The following GEN1 variants were observed in gnomAD, a reference collection of about 807,000 sequenced individuals.
GEN1 encodes GEN1 structure-specific endonuclease, also known as flap endonuclease GEN homolog 1.
In GEN1, 64 loss-of-function variants were observed where a neutral mutation model predicts 67.6. The observed-to-expected ratio is 0.95, with a 90% CI of 0.77 to 1.17. The LOEUF is 1.17. Among genes scored for constraint, GEN1 ranks in the 50% most tolerant of loss-of-function variants. The probability of loss-of-function intolerance (pLI) is 0.00; values close to 1 mark genes in which losing one functional copy is unlikely to be tolerated. For synonymous variants in GEN1, 371 were observed against 359.4 expected (o/e 1.03, Z -0.37); for missense variants, 1,058 against 1,048.3 (o/e 1.01, Z -0.13).
At chr2:17,765,645 C>T (rs914094598) in intron 4 of GEN1, among the ~76,000 whole-genome samples, 7 of 152,160 alleles carry the variant, frequency 4.6e-5, no homozygotes, top group African/African-American at 1.4e-4. Context: ...GACATTTCTG[C>T]TATCCCTCCC....
chr2:17,757,448 A>G (rs1436912158), intron 1 of GEN1, among the ~76,000 whole-genome samples: 2 of 152,070 alleles, frequency 1.3e-5, no homozygotes, highest in Non-Finnish European at 2.9e-5. Flanking sequence ...CTATATATAA[A>G]TGTGTGTTTA....
In GEN1 at chr2:17,761,642, T is replaced by C. The variant is rs528511603; in HGVS notation, c.348+60T>C. 7.1e-4 allele frequency: 807 copies of C among 1,140,474 alleles called. 1 individual carries two copies. The highest frequency in any genetic ancestry group is 9.5e-4 in the Non-Finnish European group (757 of 792,694). 70.6% of individuals were successfully genotyped at this position (1,140,474 alleles called of 1,614,324 possible). On this transcript the variant is annotated intron_variant, in intron 3 of 13. Transcript: ENST00000381254. ...TGAATTAAAGGGTGCATTTTACTCT[T>C]AATAGTTTGTCATCTTTAATACTTA...
chr2:17,780,937 T>C lies in GEN1; in HGVS notation c.1725T>C (p.His575=), dbSNP rs1340018255. 1.9e-6 allele frequency: 3 copies of C among 1,595,350 alleles called. No homozygotes were observed. The highest frequency in any genetic ancestry group is 2.6e-6 in the Non-Finnish European group (3 of 1,171,638). ...SESSQPNTSS[H]NISVIADLHL... is the part of the protein sequence containing the mutation. ...CTAGTCAACCCAATACCTCATCTCATAATATATCCGTGATTGCTGATCTAC... is the reference window on the plus strand; with the variant it reads ...CTAGTCAACCCAATACCTCATCTCACAATATATCCGTGATTGCTGATCTAC... Residue 575 remains histidine, a synonymous_variant, in exon 14 of 14, where the codon CAT becomes CAC. Transcript: ENST00000381254.
At chr2:17,762,521 T>A (rs930193142) in intron 3 of GEN1, among the ~76,000 whole-genome samples, 6 of 152,148 alleles carry the variant, frequency 3.9e-5, no homozygotes, top group African/African-American at 1.4e-4. Context: ...TTGTCTGTTT[T>A]CAAATGTGTG....
rs1272744567 is a variant in GEN1 at position 17,787,114 on chromosome 2, C to A, written c.*5175C>A. 2 of 152,178 alleles carry A rather than the reference C, an allele frequency of 1.3e-5. No individual in the cohort carries two copies. The highest frequency in any genetic ancestry group is 4.8e-5 in the African/African-American group (2 of 41,434). 9.4% of individuals were successfully genotyped at this position (152,178 alleles called of 1,614,324 possible). A position where few individuals can be genotyped will look rare whatever the true frequency, so the allele number is the denominator to read the frequency against. On this transcript the variant is annotated 3_prime_UTR_variant, in exon 14 of 14. Transcript: ENST00000381254. ...GCTTCCTTATTGGCTAGATAAACCT[C>A]ATCTATTAAGGACCAGCTCACATGT...
chr2:17,778,073 C>G lies in GEN1; in HGVS notation c.1264+10C>G. 6.6e-7 allele frequency: 1 copy of G among 1,504,104 alleles called. No individual in the cohort carries two copies. Among genetic ancestry groups the G allele is most frequent in the South Asian group, 1.1e-5 (1 of 88,158 alleles). The allele number at this position is 1,504,104 out of a possible 1,614,324, so 93.2% of individuals were successfully genotyped here. ...GAATGGGAAAAGCCTGGTATGTATT[C>G]ACTTTAAGCAAAATATTCCATTTAT... On this transcript the variant is annotated intron_variant, in intron 12 of 13. Coordinates refer to ENST00000381254, the MANE Select transcript of GEN1 (RefSeq NM_001130009.3).
At chr2:17,777,908 G>GA (rs545226606) in intron 11 of GEN1, 94 bp from the exon 12 acceptor site, 485 of 672,958 alleles carry the variant, frequency 7.2e-4, no homozygotes, top group Middle Eastern at 1.4e-3. Context: ...TTTTACCTGG[G>GA]AAAAAAAAAT....
At chr2:17,756,356 G>T (rs1000085748) in intron 1 of GEN1, among the ~76,000 whole-genome samples, 1 of 152,204 alleles carries the variant, frequency 6.6e-6, no homozygotes, top group Non-Finnish European at 1.5e-5. Flanking sequence ...ATTGATTCAT[G>T]TAAGTAGACT....
chr2:17,757,766 A>T (rs2125116202), intron 1 of GEN1, among the ~76,000 whole-genome samples: 1 of 152,340 alleles, frequency 6.6e-6, no homozygotes, highest in South Asian at 2.1e-4. Flanking sequence ...AATTCTATTT[A>T]AATTTGTCAC....
chr2:17,773,083 A>T lies in GEN1; in HGVS notation c.954-13A>T. On this transcript the variant is annotated splice_polypyrimidine_tract_variant and intron_variant, in intron 8 of 13. Transcript: ENST00000381254. Reference sequence around the variant, plus strand: ...TGATTATAGTAATAACATGTATATAATTTTTTTTTCAGGAAAGCTTGCTGT... The same window carrying T: ...TGATTATAGTAATAACATGTATATATTTTTTTTTTCAGGAAAGCTTGCTGT... 6.6e-7 allele frequency: 1 copy of T among 1,512,812 alleles called. No homozygotes were observed. Among genetic ancestry groups the T allele is most frequent in the Middle Eastern group, 2.4e-4 (1 of 4,232 alleles). 93.7% of individuals were successfully genotyped at this position (1,512,812 alleles called of 1,614,324 possible).
Position 17,781,467 on chromosome 2 carries a change from C to A in GEN1, c.2255C>A (p.Thr752Asn), listed in dbSNP as rs995611512. The A allele has an allele frequency of 1.2e-6, 2 of 1,613,470 alleles. No homozygotes were observed. Among genetic ancestry groups the A allele is most frequent in the South Asian group, 1.1e-5 (1 of 91,070 alleles). Residue 752 changes from threonine (T) to asparagine (N), a missense_variant, in exon 14 of 14, where the codon ACT becomes AAT. Physicochemically the swap from Thr to Asn is moderately conservative, Grantham distance 65 (BLOSUM62 0). Coordinates refer to ENST00000381254, the MANE Select transcript of GEN1 (RefSeq NM_001130009.3). ...QLLQEDYKVNTSVPYSVSNTV... is the reference protein window; with the variant it reads ...QLLQEDYKVNNSVPYSVSNTV... ...CTTCAAGAAGACTATAAAGTCAATA[C>A]TTCTGTCCCTTATTCTGTCAGTAAC...
intron 2 of GEN1, among the ~76,000 whole-genome samples, chr2:17,761,088 C>T (rs571709579): frequency 6.6e-5 from 10 of 151,786 alleles, no homozygotes; most frequent in Middle Eastern, 3.4e-3. Context: ...GAAAATTAGC[C>T]GGGCATGGTG....
At chr2:17,771,856 G>A (rs1672206001) in intron 7 of GEN1, among the ~76,000 whole-genome samples, 1 of 149,886 alleles carries the variant, frequency 6.7e-6, no homozygotes, top group African/African-American at 2.4e-5. Context: ...AAAGAGATTA[G>A]GATATCATGT....
In GEN1 at chr2:17,781,644, G is replaced by A. The variant is rs1672842976; in HGVS notation, c.2432G>A (p.Gly811Glu). 6.2e-7 allele frequency: 1 copy of A among 1,613,958 alleles called. No individual in the cohort carries two copies. Among genetic ancestry groups the A allele is most frequent in the East Asian group, 2.2e-5 (1 of 44,856 alleles). Residue 811 changes from glycine (G) to glutamate (E), a missense_variant, in exon 14 of 14, where the codon GGG becomes GAG. Gly to Glu is a moderately conservative substitution (Grantham distance 98, BLOSUM62 -2). Coordinates refer to ENST00000381254, the MANE Select transcript of GEN1 (RefSeq NM_001130009.3). ...SSDEQSAPVF[G>E]KAKYTTQRMK... ...GATGAACAAAGTGCCCCAGTGTTTG[G>A]GAAAGCTAAGTACACAACTCAAAGA...
intron 3 of GEN1, among the ~76,000 whole-genome samples, chr2:17,764,148 T>C (rs748030244): frequency 8.5e-5 from 13 of 152,244 alleles, no homozygotes; most frequent in Non-Finnish European, 1.5e-4. Flanking sequence ...CAAAATGATG[T>C]AATCATTCTG....
In GEN1 at chr2:17,776,084, C is replaced by T. The variant is rs114985740; in HGVS notation, c.1202+1683C>T. ...TGAGCTGAGTTCATACCACTGCACT[C>T]CAAACTTGGTGACAGAGTGAGACCC... On this transcript the variant is annotated intron_variant, in intron 11 of 13. Transcript: ENST00000381254. Among the ~76,000 whole-genome samples, 544 of 142,348 alleles carry T rather than the reference C, an allele frequency of 3.8e-3. 7 individuals are homozygous for T. The highest frequency in any genetic ancestry group is 0.014 in the African/African-American group (522 of 37,554). The allele number at this position is 142,348 out of a possible 152,430, so 93.4% of individuals were successfully genotyped here.
rs144151088 is a variant in GEN1 at position 17,780,742 on chromosome 2, G to T, written c.1530G>T (p.Gly510=). The T allele has an allele frequency of 1.1e-4, 173 of 1,613,822 alleles. 1 individual carries two copies. Among genetic ancestry groups the T allele is most frequent in the Middle Eastern group, 1.6e-4 (1 of 6,080 alleles). Residue 510 remains glycine (G), a synonymous_variant, in exon 14 of 14, where the codon GGG becomes GGT. Transcript: ENST00000381254. ...AGCAGAATTCCAAGTTAAATTCGGGGATTTCCCCTGATCCTACATTACCAC... is the reference window on the plus strand; with the variant it reads ...AGCAGAATTCCAAGTTAAATTCGGGTATTTCCCCTGATCCTACATTACCAC... ...FHKQNSKLNS[G]ISPDPTLPQE... is the part of the protein sequence containing the mutation.
intron 11 of GEN1, among the ~76,000 whole-genome samples, chr2:17,775,179 G>A (rs1672371379): frequency 6.6e-6 from 1 of 152,190 alleles, no homozygotes; most frequent in Admixed American, 6.6e-5. Context: ...GAAGACATAT[G>A]TCTGTAAGCA....
At chr2:17,766,760 T>A in intron 5 of GEN1, 71 bp downstream of exon 5, 2 of 785,048 alleles carry the variant, frequency 2.5e-6, no homozygotes, top group South Asian at 3.3e-5. Context: ...TGTATAAATA[T>A]GAATATAATA....
Sources: allele counts gnomAD v4.1 joint callset (sites outside exome capture counted in the v4.1 genomes callset), GRCh38; gene constraint gnomAD v4.1.1; transcripts MANE v1.5; gene names NCBI Gene and HGNC (gene_info 2026-07-23, HGNC 2026-07-21).